UVSSA: variants seen among roughly 807,000 people sequenced by gnomAD.
The protein encoded by UVSSA is UV-stimulated scaffold protein A.
UVSSA carries 72 observed loss-of-function variants against 73.9 expected under a neutral mutation model. The ratio of observed to expected loss-of-function variants is 0.97; its 90% CI spans 0.81 to 1.19. The LOEUF is 1.19. Among genes scored for constraint, UVSSA ranks in the 50% most tolerant of loss-of-function variants. The probability of loss-of-function intolerance (pLI) is 0.00; values close to 1 mark genes in which losing one functional copy is unlikely to be tolerated. For synonymous variants in UVSSA, 454 were observed against 391.3 expected, an observed-to-expected ratio of 1.16 and a Z score of -1.89; for missense variants, 1,150 against 965.0, an observed-to-expected ratio of 1.19 and a Z score of -2.54.
intron 3 of UVSSA, among the ~76,000 whole-genome samples, chr4:1,351,448 C>T (rs1261858028): frequency 2.0e-5 from 3 of 150,248 alleles, no homozygotes; most frequent in East Asian, 2.0e-4. Context: ...TGCAGTGGTG[C>T]GATCTTGGCT....
At chr4:1,374,519 A>G (rs990430339) in intron 8 of UVSSA, among the ~76,000 whole-genome samples, 1 of 152,118 alleles carries the variant, frequency 6.6e-6, no homozygotes, top group African/African-American at 2.4e-5. Context: ...CCCTGGGTGC[A>G]CGCTGGGCTG....
At chr4:1,345,229 G>C (rs1713576402), upstream of UVSSA, among the ~76,000 whole-genome samples, 1 of 152,182 alleles carries the variant, frequency 6.6e-6, no homozygotes, top group Non-Finnish European at 1.5e-5. Context: ...CTCAGATCTG[G>C]ATGTGTTCTG....
chr4:1,390,764 A>T (rs1321776174), downstream of UVSSA: 3 of 150,840 alleles, frequency 2.0e-5, no homozygotes, highest in African/African-American at 7.4e-5. Context: ...GTTGGGTCTG[A>T]TTGGTTTGTA....
chr4:1,357,057 C>T (rs1715882201), intron 7 of UVSSA: 2 of 151,068 alleles, frequency 1.3e-5, no homozygotes, highest in South Asian at 2.1e-4. Context: ...AGGCCTGGGC[C>T]CCTCCAGCTG....
chr4:1,354,580 T>G, intron 5 of UVSSA, 155 bp from the exon 6 acceptor site: 1 of 629,584 alleles, frequency 1.6e-6, no homozygotes, highest in South Asian at 1.8e-5. Context: ...CACTTCCTTC[T>G]CACAGCATCA....
Position 1,366,439 on chromosome 4 carries a change from G to C in UVSSA, c.1288+8G>C, listed in dbSNP as rs764128243. 5.6e-6 allele frequency: 9 copies of C among 1,593,526 alleles called. No homozygotes were observed. The highest frequency in any genetic ancestry group is 1.4e-5 in the African/African-American group (1 of 73,942). On this transcript the variant is annotated splice_region_variant and intron_variant, in intron 8 of 13. Transcript: ENST00000389851. ...ACTTGCGGCCTGAGTATGGTGAGCA[G>C]TGGGTCCCGTGGGGGGGGCACCTGG... is the stretch of plus-strand genomic sequence containing the variant.
chr4:1,395,208 ACG>A, exon 14 of UVSSA: 1 of 1,400,402 alleles, frequency 7.1e-7, no homozygotes, highest in Non-Finnish European at 9.5e-7. Context: ...GCCTGCTCAC[ACG>A]TGCCGATGCG....
chr4:1,344,943 C>A (rs1390261686), upstream of UVSSA, among the ~76,000 whole-genome samples: 1 of 152,164 alleles, frequency 6.6e-6, no homozygotes, highest in Non-Finnish European at 1.5e-5. Context: ...CCCCAGAGGC[C>A]GTGTGGCAGC....
At position 1,374,530 on chromosome 4, in the gene UVSSA, C is replaced by T. The variant is rs545789174; in HGVS notation, c.1289-834C>T. Among the ~76,000 whole-genome samples, 6 of 152,226 alleles carry T rather than the reference C, an allele frequency of 3.9e-5. No individual in the cohort carries two copies. The East Asian group carries it at 9.7e-4, about 25-fold the overall frequency. On this transcript the variant is annotated intron_variant, in intron 8 of 13. Coordinates refer to ENST00000389851, the MANE Select transcript of UVSSA (RefSeq NM_020894.4). Reference sequence around the variant, plus strand: ...GGGACCCTGGGTGCACGCTGGGCTGCGGAGGCCAGGGGCTGGTGGCCTCGT... The same window carrying T: ...GGGACCCTGGGTGCACGCTGGGCTGTGGAGGCCAGGGGCTGGTGGCCTCGT...
Position 1,355,232 on chromosome 4 carries a change from G to A in UVSSA, c.1163G>A (p.Gly388Glu). The change falls in exon 7 of 14, where the codon GGG becomes GAG. Residue 388 changes from glycine to glutamate, a missense_variant. Gly to Glu is a moderately conservative substitution (Grantham distance 98). Coordinates refer to ENST00000389851, the MANE Select transcript of UVSSA (RefSeq NM_020894.4). ...GAGCTGGACATCGAGCCTGAGGGAG[G>A]GGAAAGGCGCAGGGTGAGTGGGCAG... ...YKELDIEPEG[G>E]ERRRTEALGD... 6.2e-7 allele frequency: 1 copy of A among 1,612,218 alleles called. No homozygotes were observed. Among genetic ancestry groups the A allele is most frequent in the Non-Finnish European group, 8.5e-7 (1 of 1,179,388 alleles).
chr4:1,383,673 C>G lies in UVSSA; in HGVS notation c.1862-93C>G, dbSNP rs577356363. The G allele has an allele frequency of 4.6e-6, 7 of 1,522,830 alleles. No homozygotes were observed. The East Asian group carries it at 1.4e-4, about 29-fold the overall frequency. The allele number at this position is 1,522,830 out of a possible 1,614,324, so 94.3% of individuals were successfully genotyped here. A position where few individuals can be genotyped will look rare whatever the true frequency, so the allele number is the denominator to read the frequency against. On this transcript the variant is annotated intron_variant, in intron 12 of 13. Transcript: ENST00000389851. ...GGGCAAGGCGACCCAGCCCCCCTGT[C>G]AGGACGAGACCAAGAGCCCCTCCTG...
At chr4:1,354,336 G>C (rs995464135) in intron 5 of UVSSA, among the ~76,000 whole-genome samples, 6 of 151,984 alleles carry the variant, frequency 3.9e-5, no homozygotes, top group Non-Finnish European at 7.4e-5. Context: ...AGGAGAGGCC[G>C]GGGGGGTGGG....
At position 1,386,169 on chromosome 4, in the gene UVSSA, G is replaced by A; in HGVS notation, c.*208G>A. On this transcript the variant is annotated 3_prime_UTR_variant, in exon 14 of 14. Coordinates refer to ENST00000389851, the MANE Select transcript of UVSSA (RefSeq NM_020894.4). ...GTCTGGTGATGGGTCTGGCCTCGCA[G>A]AAGAGGCCCTCGGGCCTGGAGATGT... 1 of 575,062 alleles carries A rather than the reference G, an allele frequency of 1.7e-6. No homozygotes were observed. 35.6% of individuals were successfully genotyped at this position (575,062 alleles called of 1,614,324 possible).
chr4:1,353,309 C>T lies in UVSSA; in HGVS notation c.830C>T (p.Thr277Ile), dbSNP rs777651639. The stretch of plus-strand genomic sequence containing the variant: ...GGGGCACAGCCATCCCAGACAGCCA[C>T]AGGTGACCCCTCAGATGAGGACGAG... ...GGGAQPSQTATGDPSDEDEDS... is the reference protein window; with the variant it reads ...GGGAQPSQTAIGDPSDEDEDS... Residue 277 changes from threonine to isoleucine, a missense_variant, in exon 5 of 14, where the codon ACA becomes ATA. Thr to Ile is a moderately conservative substitution (Grantham distance 89). Transcript: ENST00000389851. The T allele has an allele frequency of 3.1e-6, 5 of 1,611,744 alleles. No individual in the cohort carries two copies. In the South Asian group the frequency reaches 3.3e-5, roughly 11 times the overall value.
At chr4:1,346,830 A>G (rs965586627), upstream of UVSSA, among the ~76,000 whole-genome samples, 1 of 152,126 alleles carries the variant, frequency 6.6e-6, no homozygotes. Context: ...CGGCGCCCGT[A>G]CATGCGGCCC....
At chr4:1,392,683 G>A (rs1720434943), downstream of UVSSA, 1 of 152,212 alleles carries the variant, frequency 6.6e-6, no homozygotes, top group Non-Finnish European at 1.5e-5. Flanking sequence ...CTGTTTGACT[G>A]TGGTGTGTCT....
chr4:1,383,245 C>T (rs532766237), intron 12 of UVSSA, among the ~76,000 whole-genome samples: 14 of 152,318 alleles, frequency 9.2e-5, no homozygotes, highest in African/African-American at 2.4e-4. Context: ...TTTGGATCAA[C>T]GAAAAAGAAA....
upstream of UVSSA, among the ~76,000 whole-genome samples, chr4:1,343,453 A>T (rs1208469461): frequency 1.3e-5 from 2 of 152,174 alleles, no homozygotes; most frequent in East Asian, 3.9e-4. Context: ...TCAGTCCATA[A>T]CAAGGACTTA....
chr4:1,353,208 TGACCCCC>T lies in UVSSA; in HGVS notation c.731_737del (p.Asp244GlyfsTer69). ...TGGGCCCCTGCCGGTCTGGCACCCC[TGACCCCC>T]GGGACGGGGAGCAGCCCTGCTGCAG... is the stretch of plus-strand genomic sequence containing the variant. On this transcript the variant is annotated frameshift_variant, in exon 5 of 14. Transcript: ENST00000389851. LOFTEE classifies it high-confidence loss of function. 13 of 1,612,552 alleles carry T rather than the reference TGACCCCC, an allele frequency of 8.1e-6. No homozygotes were observed. Among genetic ancestry groups the T allele is most frequent in the Non-Finnish European group, 1.0e-5 (12 of 1,179,884 alleles).
Sources: gnomAD v4.1 joint callset for allele counts (sites outside exome capture counted in the v4.1 genomes callset) on GRCh38, gnomAD v4.1.1 for gene constraint, MANE v1.5 for transcripts, NCBI Gene and HGNC (gene_info 2026-07-23, HGNC 2026-07-21) for gene names.